Variants in DPP6 observed in about 807,000 individuals in gnomAD.
DPP6 encodes the protein dipeptidyl peptidase like 6.
Under a neutral mutation model 122.6 loss-of-function variants are expected in DPP6, and 69 were observed. The observed-to-expected ratio is 0.56, with a 90% CI of 0.46 to 0.69. DPP6 has a LOEUF of 0.69. DPP6 is among the 30% of genes least tolerant of loss of function. The pLI, the probability that DPP6 is intolerant of heterozygous loss-of-function variation, is 0.00. For missense variants in DPP6, 928 were observed against 1,116.9 expected (o/e 0.83, Z 2.41); for synonymous variants, 418 against 433.1 (o/e 0.97, Z 0.43).
intron 3 of DPP6, among the ~76,000 whole-genome samples, chr7:154,490,438 G>A (rs1360195510): frequency 6.6e-6 from 1 of 152,202 alleles, no homozygotes; most frequent in East Asian, 1.9e-4. Context: ...CAGCAGAAGT[G>A]CTGTGGGGTA....
intron 4 of DPP6, among the ~76,000 whole-genome samples, chr7:154,552,038 G>A (rs1829676856): frequency 6.6e-6 from 1 of 152,050 alleles, no homozygotes; most frequent in Admixed American, 6.6e-5. Flanking sequence ...ATCATTTTAG[G>A]CATTTCAAAG....
chr7:154,510,981 G>C (rs907989885), intron 3 of DPP6, among the ~76,000 whole-genome samples: 1,808 of 151,076 alleles, frequency 0.012, 16 homozygotes, highest in South Asian at 0.022. Flanking sequence ...CAGAGAGAGA[G>C]AGAGCAAGGA....
At chr7:154,110,971 A>G (rs28515607) in intron 1 of DPP6, among the ~76,000 whole-genome samples, 7,702 of 151,926 alleles carry the variant, frequency 0.051, 676 homozygotes, top group African/African-American at 0.18. Flanking sequence ...GGGTGCATGT[A>G]AGGCAGGACA....
intron 1 of DPP6, among the ~76,000 whole-genome samples, chr7:154,206,764 G>A (rs1799470874): frequency 6.6e-6 from 1 of 152,232 alleles, no homozygotes; most frequent in African/African-American, 2.4e-5. Context: ...GATGGAAGTG[G>A]TGGCTGCACA....
intron 1 of DPP6, among the ~76,000 whole-genome samples, chr7:154,383,123 G>A (rs1402815831): frequency 6.6e-6 from 1 of 152,166 alleles, no homozygotes; most frequent in Non-Finnish European, 1.5e-5. Flanking sequence ...TGCTGACAAG[G>A]TGGAACATAA....
chr7:154,436,177 C>T (rs867362671), intron 1 of DPP6, among the ~76,000 whole-genome samples: 26 of 151,036 alleles, frequency 1.7e-4, no homozygotes, highest in South Asian at 4.2e-4. Context: ...ACCAGTGGCA[C>T]GGTCCACGAG....
intron 6 of DPP6, among the ~76,000 whole-genome samples, chr7:154,647,065 G>C (rs1183748391): frequency 2.0e-5 from 3 of 152,182 alleles, no homozygotes; most frequent in Admixed American, 6.5e-5. Context: ...CTACACCCAT[G>C]TCCCTGGTTC....
intron 1 of DPP6, among the ~76,000 whole-genome samples, chr7:154,046,860 C>T (rs567415125): frequency 4.1e-4 from 62 of 152,276 alleles, no homozygotes; most frequent in Non-Finnish European, 6.5e-4. Context: ...TTTAGAAATA[C>T]ACTATACCCC....
intron 1 of DPP6, among the ~76,000 whole-genome samples, chr7:154,315,909 T>C (rs891732338): frequency 2.6e-5 from 4 of 152,202 alleles, no homozygotes; most frequent in Non-Finnish European, 5.9e-5. Context: ...CACACATATA[T>C]AAGCTTCTGA....
chr7:153,968,457 CT>C (rs1363892106), intron 1 of DPP6, among the ~76,000 whole-genome samples: 1 of 151,896 alleles, frequency 6.6e-6, no homozygotes, highest in Non-Finnish European at 1.5e-5. Context: ...GATATCAGAC[CT>C]TTTGTGAAAA....
intron 1 of DPP6, among the ~76,000 whole-genome samples, chr7:154,417,410 T>C (rs1475111105): frequency 6.6e-6 from 1 of 152,064 alleles, no homozygotes. Context: ...CCTAGAAAAA[T>C]AATGCCTGAG....
intron 1 of DPP6, among the ~76,000 whole-genome samples, chr7:154,388,625 A>T (rs1165700352): frequency 2.0e-5 from 3 of 152,096 alleles, no homozygotes; most frequent in Non-Finnish European, 4.4e-5. Context: ...ACCTGCCCTG[A>T]TGCCCAGGCC....
intron 10 of DPP6, among the ~76,000 whole-genome samples, chr7:154,791,673 G>C (rs1401563224): frequency 6.6e-6 from 1 of 152,208 alleles, no homozygotes; most frequent in Non-Finnish European, 1.5e-5. Context: ...CCACACCAGA[G>C]TAACACATCC....
intron 8 of DPP6, among the ~76,000 whole-genome samples, chr7:154,737,429 G>A (rs1842619465): frequency 6.6e-6 from 1 of 152,166 alleles, no homozygotes; most frequent in Non-Finnish European, 1.5e-5. Context: ...ACCATGCAAA[G>A]CCTATGTAAA....
chr7:153,986,713 T>C (rs2129040273), intron 1 of DPP6, among the ~76,000 whole-genome samples: 1 of 152,282 alleles, frequency 6.6e-6, no homozygotes, highest in African/African-American at 2.4e-5. Context: ...GTTACAGGCA[T>C]AGACAAATGT....
intron 1 of DPP6, chr7:154,093,807 C>G (rs62485653): frequency 0.11 from 17,178 of 152,086 alleles, 1,208 homozygotes; most frequent in African/African-American, 0.2. Context: ...TGGCGGAACC[C>G]TGGGATGAGC....
At chr7:154,320,251 G>T (rs547805366) in intron 1 of DPP6, among the ~76,000 whole-genome samples, 1 of 151,948 alleles carries the variant, frequency 6.6e-6, no homozygotes, top group African/African-American at 2.4e-5. Flanking sequence ...TACACTGACG[G>T]TGCCTCTCAC....
At chr7:154,517,535 T>G (rs1475892614) in intron 3 of DPP6, among the ~76,000 whole-genome samples, 6 of 152,158 alleles carry the variant, frequency 3.9e-5, no homozygotes, top group Non-Finnish European at 8.8e-5. Context: ...GGCCTGTGTA[T>G]GTGAGTATTC....
chr7:154,296,034 TC>T (rs201949706), intron 1 of DPP6, among the ~76,000 whole-genome samples: 12,670 of 147,634 alleles, frequency 0.086, 709 homozygotes, highest in African/African-American at 0.16. Flanking sequence ...AAGCTCTACC[TC>T]CCAGGTTCAC....
Sources: allele counts gnomAD v4.1 joint callset (sites outside exome capture counted in the v4.1 genomes callset), GRCh38; gene constraint gnomAD v4.1.1; transcripts MANE v1.5; gene names NCBI Gene and HGNC (gene_info 2026-07-23, HGNC 2026-07-21).